The following SMCHD1 variants were observed in gnomAD, a reference collection of about 807,000 sequenced individuals.
SMCHD1 encodes the protein structural maintenance of chromosomes flexible hinge domain containing 1.
Under a neutral mutation model 254.7 loss-of-function variants are expected in SMCHD1, and 78 were observed. The observed-to-expected ratio is 0.31, with a 90% confidence interval of 0.26 to 0.37. SMCHD1 has a LOEUF of 0.37. Among genes scored for constraint, SMCHD1 ranks in the 10% least tolerant of loss-of-function variants. The pLI, the probability that SMCHD1 is intolerant of heterozygous loss-of-function variation, is 1.00. For missense variants in SMCHD1, 1,840 were observed against 2,408.1 expected, an observed-to-expected ratio of 0.76 and a Z score of 4.94; for synonymous variants, 766 against 794.9, an observed-to-expected ratio of 0.96 and a Z score of 0.61.
chr18:2,714,824 C>G (rs538465864), intron 17 of SMCHD1, among the ~76,000 whole-genome samples: 1 of 152,136 alleles, frequency 6.6e-6, no homozygotes, highest in South Asian at 2.1e-4. Context: ...TAGCAGGACA[C>G]AAGATTTGTG....
chr18:2,751,168 C>CGT (rs1555647459), intron 32 of SMCHD1, 110 bp from the exon 33 acceptor site: 11 of 606,828 alleles, frequency 1.8e-5, no homozygotes, highest in African/African-American at 1.2e-4. Flanking sequence ...ATTTAAATAA[C>CGT]GTGTGCTTTA....
intron 17 of SMCHD1, among the ~76,000 whole-genome samples, chr18:2,711,658 A>AT: frequency 6.7e-6 from 1 of 150,050 alleles, no homozygotes. Context: ...AATTTTTTGT[A>AT]TTTTTAGTAG....
At chr18:2,683,269 G>C (rs540148281) in intron 5 of SMCHD1, among the ~76,000 whole-genome samples, 1 of 151,830 alleles carries the variant, frequency 6.6e-6, no homozygotes, top group South Asian at 2.1e-4. Flanking sequence ...ATAGACTTTG[G>C]TTAATCATAA....
intron 10 of SMCHD1, among the ~76,000 whole-genome samples, chr18:2,698,398 T>G (rs1375115740): frequency 1.3e-5 from 2 of 152,196 alleles, no homozygotes; most frequent in African/African-American, 4.8e-5. Flanking sequence ...TGCTTTCTGA[T>G]TTTGTCTTAC....
At position 2,675,542 on chromosome 18, in the gene SMCHD1, C is replaced by T. The variant is rs147832307; in HGVS notation, c.638+1397C>T. On this transcript the variant is annotated intron_variant, in intron 5 of 47. Transcript: ENST00000320876. ...CCTCCCATAGTGCTAGGATTACAGG[C>T]GTGAGCCACTGCACCTGGCCTAGAT... is the stretch of plus-strand genomic sequence containing the variant. Among the ~76,000 whole-genome samples, 942 of 152,240 alleles carry T rather than the reference C, an allele frequency of 6.2e-3. 10 individuals are homozygous for T. The highest frequency in any genetic ancestry group is 0.022 in the African/African-American group (894 of 41,532).
At chr18:2,732,895 A>T (rs1202769992) in intron 25 of SMCHD1, among the ~76,000 whole-genome samples, 1 of 152,208 alleles carries the variant, frequency 6.6e-6, no homozygotes, top group African/African-American at 2.4e-5. Context: ...TTAACTACAG[A>T]GCCTCTATTT....
At chr18:2,689,721 T>TA (rs1472346487) in intron 7 of SMCHD1, among the ~76,000 whole-genome samples, 17 of 151,796 alleles carry the variant, frequency 1.1e-4, no homozygotes, top group Non-Finnish European at 2.2e-4. Flanking sequence ...ATATTTATTT[T>TA]AAAGTGATTT....
chr18:2,718,400 A>C lies in SMCHD1; in HGVS notation c.2424A>C (p.Pro808=), dbSNP rs374039360. The stretch of plus-strand genomic sequence containing the variant: ...ATGCAGACACTTATGCAGGAAGACC[A>C]CTACCATCTAAAGCAATTAAGTTTT... The part of the protein sequence containing the change: ...ESNADTYAGR[P]LPSKAIKFSV... The change falls in exon 19 of 48, where the codon CCA becomes CCC. Residue 808 remains proline, a synonymous_variant. Coordinates refer to ENST00000320876, the MANE Select transcript of SMCHD1 (RefSeq NM_015295.3). This position sits in a 1 kb window ranked among gnomAD's most constrained non-coding sequence, Gnocchi z 4.6. 101 of 1,611,954 alleles carry C rather than the reference A, an allele frequency of 6.3e-5. No homozygotes were observed. The highest frequency in any genetic ancestry group is 8.4e-5 in the Non-Finnish European group (99 of 1,178,856).
intron 44 of SMCHD1, among the ~76,000 whole-genome samples, chr18:2,784,098 T>G (rs1212659006): frequency 6.6e-6 from 1 of 152,212 alleles, no homozygotes; most frequent in Non-Finnish European, 1.5e-5. Context: ...AACTTAAATC[T>G]AACAGAGGAA....
At chr18:2,763,323 TAAC>T (rs1327165691) in intron 36 of SMCHD1, among the ~76,000 whole-genome samples, 1 of 152,218 alleles carries the variant, frequency 6.6e-6, no homozygotes, top group African/African-American at 2.4e-5. Context: ...AAGTTTATAA[TAAC>T]TTATTAAGCA....
chr18:2,663,202 C>T (rs180907845), intron 1 of SMCHD1, among the ~76,000 whole-genome samples: 1 of 152,224 alleles, frequency 6.6e-6, no homozygotes, highest in East Asian at 1.9e-4. Context: ...GCTTCCCAGG[C>T]TCAGGGGATC....
rs187423683 is a variant in SMCHD1 at position 2,679,407 on chromosome 18, C to T, written c.638+5262C>T. On this transcript the variant is annotated intron_variant, in intron 5 of 47. Coordinates refer to ENST00000320876, the MANE Select transcript of SMCHD1 (RefSeq NM_015295.3). ...AGGAGAATGGCGTGAACCCGGGATG[C>T]GGAGCTTGCAGTGAGCCGAGATGGT... Among the ~76,000 whole-genome samples the T allele has an allele frequency of 2.2e-3, 295 of 134,140 alleles. 7 individuals are homozygous for T. The East Asian group carries it at 0.065, about 29-fold the overall frequency. 88.0% of individuals were successfully genotyped at this position (134,140 alleles called of 152,430 possible).
intron 46 of SMCHD1, 72 bp downstream of exon 46, chr18:2,796,179 A>T: frequency 7.8e-7 from 1 of 1,289,518 alleles, no homozygotes; most frequent in East Asian, 2.6e-5. Context: ...GAGAGAATCC[A>T]ACCGTAAGAA....
chr18:2,716,231 G>T (rs2074796913), intron 17 of SMCHD1, among the ~76,000 whole-genome samples: 1 of 152,184 alleles, frequency 6.6e-6, no homozygotes, highest in African/African-American at 2.4e-5. Flanking sequence ...GTATCAGGCG[G>T]GTGAGCAGTC....
At chr18:2,726,719 C>A in intron 22 of SMCHD1, 195 bp downstream of exon 22, 1 of 277,092 alleles carries the variant, frequency 3.6e-6, no homozygotes, top group South Asian at 7.9e-5. Context: ...TATTGACATT[C>A]TGAATATAAC....
intron 21 of SMCHD1, 100 bp from the exon 22 acceptor site, chr18:2,726,352 G>T: frequency 1.7e-6 from 1 of 579,988 alleles, no homozygotes; most frequent in Non-Finnish European, 2.9e-6. Flanking sequence ...TTCTACAATG[G>T]TATGAAAATA....
At chr18:2,705,660 G>T in intron 13 of SMCHD1, 34 bp from the exon 14 acceptor site, 4 of 1,087,046 alleles carry the variant, frequency 3.7e-6, no homozygotes, top group South Asian at 1.6e-5. Context: ...TCTTAATACT[G>T]AAGCTTTTTT....
chr18:2,706,636 A>T, intron 15 of SMCHD1, 166 bp downstream of exon 15: 1 of 449,200 alleles, frequency 2.2e-6, no homozygotes, highest in Non-Finnish European at 4.0e-6. Flanking sequence ...AGGTCTAGTT[A>T]TACAAACAGA....
Position 2,673,272 on chromosome 18 carries a change from C to G in SMCHD1, c.425-9C>G. On this transcript the variant is annotated splice_polypyrimidine_tract_variant and intron_variant, in intron 3 of 47. Coordinates refer to ENST00000320876, the MANE Select transcript of SMCHD1 (RefSeq NM_015295.3). ...AAAAGTTAAGCAATGTTTTCTTGAT[C>G]TCTTGCAGCATTTGCTCTTGCGGAA... 6.3e-7 allele frequency: 1 copy of G among 1,583,028 alleles called. No homozygotes were observed. Among genetic ancestry groups the G allele is most frequent in the Non-Finnish European group, 8.6e-7 (1 of 1,160,296 alleles).
Sources: allele counts gnomAD v4.1 joint callset (sites outside exome capture counted in the v4.1 genomes callset), GRCh38; gene constraint gnomAD v4.1.1; non-coding constraint Gnocchi (gnomAD v3.1); transcripts MANE v1.5; gene names NCBI Gene and HGNC (gene_info 2026-07-23, HGNC 2026-07-21).